Variants in ASPH observed in about 807,000 individuals in gnomAD.
The protein encoded by ASPH is aspartyl/asparaginyl beta-hydroxylase.
In ASPH, 100 loss-of-function variants were observed where a neutral mutation model predicts 118.4. The ratio of observed to expected loss-of-function variants is 0.84; its 90% CI spans 0.72 to 1.00. The LOEUF (loss-of-function observed/expected upper bound fraction) is 1.00. Among genes scored for constraint, ASPH ranks in the 50% least tolerant of loss-of-function variants. ASPH has a pLI of 0.00. For synonymous variants in ASPH, 315 were observed against 325.6 expected, an observed-to-expected ratio of 0.97 and a Z score of 0.35; for missense variants, 920 against 919.5, an observed-to-expected ratio of 1.00 and a Z score of -0.01.
intron 3 of ASPH, chr8:61,663,950 A>C (rs1818211977): frequency 1.1e-6 from 1 of 884,204 alleles, no homozygotes; most frequent in Non-Finnish European, 1.4e-6. Flanking sequence ...TAGATCAAAA[A>C]TCTCGTTTTT....
At chr8:61,706,791 G>A (rs1334288087) in intron 1 of ASPH, among the ~76,000 whole-genome samples, 11 of 152,172 alleles carry the variant, frequency 7.2e-5, no homozygotes, top group African/African-American at 2.7e-4. Context: ...AATTCAGTTT[G>A]GTGTTGCTTC....
chr8:61,576,184 C>T (rs991693980), intron 16 of ASPH, among the ~76,000 whole-genome samples: 1 of 152,162 alleles, frequency 6.6e-6, no homozygotes, highest in Non-Finnish European at 1.5e-5. Flanking sequence ...GAATGCAAAA[C>T]AGACATTCCC....
At chr8:61,559,989 A>G (rs759628288) in intron 18 of ASPH, among the ~76,000 whole-genome samples, 47 of 152,342 alleles carry the variant, frequency 3.1e-4, no homozygotes, top group Non-Finnish European at 3.2e-4. Context: ...CTGCTCAGGC[A>G]AGAGATGACG....
At chr8:61,626,420 G>T in intron 13 of ASPH, 1 of 1,213,642 alleles carries the variant, frequency 8.2e-7, no homozygotes, top group Non-Finnish European at 1.1e-6. Context: ...AGGACAACTT[G>T]GTAACAGAAT....
At chr8:61,694,200 C>T (rs1427649116) in intron 1 of ASPH, among the ~76,000 whole-genome samples, 2 of 152,168 alleles carry the variant, frequency 1.3e-5, no homozygotes, top group East Asian at 1.9e-4. Context: ...AGCACACAAA[C>T]CTGCCCTAGC....
chr8:61,694,877 T>C (rs1833557889), intron 1 of ASPH, among the ~76,000 whole-genome samples: 1 of 152,192 alleles, frequency 6.6e-6, no homozygotes, highest in African/African-American at 2.4e-5. Flanking sequence ...CCCTTTCCTG[T>C]TCAGTGTCCT....
chr8:61,562,389 CTGTGTGTG>C (rs150312211), intron 18 of ASPH, among the ~76,000 whole-genome samples: 2 of 128,988 alleles, frequency 1.6e-5, no homozygotes, highest in African/African-American at 5.6e-5. Flanking sequence ...GAAAGTGTGT[CTGTGTGTG>C]TGTGTGTGTG....
chr8:61,636,494 G>A (rs767642987), intron 12 of ASPH, among the ~76,000 whole-genome samples: 6 of 152,134 alleles, frequency 3.9e-5, no homozygotes, highest in Non-Finnish European at 5.9e-5. Flanking sequence ...TGCTGTGAGA[G>A]ATAAGCTCCC....
chr8:61,695,282 A>G (rs1833662952), intron 1 of ASPH, among the ~76,000 whole-genome samples: 1 of 152,238 alleles, frequency 6.6e-6, no homozygotes. Flanking sequence ...GACCTGTTAA[A>G]AATCCTTTAA....
chr8:61,596,514 C>T (rs950288998), intron 14 of ASPH, among the ~76,000 whole-genome samples: 3 of 152,206 alleles, frequency 2.0e-5, no homozygotes, highest in Non-Finnish European at 4.4e-5. Flanking sequence ...GCCTAGGGGC[C>T]CACAGACGGG....
chr8:61,503,347 C>A lies in ASPH; in HGVS notation c.*12G>T. 6.3e-7 allele frequency: 1 copy of A among 1,598,670 alleles called. No individual in the cohort carries two copies. Among genetic ancestry groups the A allele is most frequent in the Non-Finnish European group, 8.5e-7 (1 of 1,170,186 alleles). ...CTCTCTCCAGAGTTTCCCAAGCTTG[C>A]ATGAATTCATGCTAAATTGCTGGAA... On this transcript the variant is annotated 3_prime_UTR_variant, in exon 25 of 25. Coordinates refer to ENST00000379454, the MANE Select transcript of ASPH (RefSeq NM_004318.4).
In ASPH at chr8:61,583,933, T is replaced by C; in HGVS notation, c.1062+11A>G. On this transcript the variant is annotated intron_variant, in intron 15 of 24. Transcript: ENST00000379454. ...AACAACAAAACCATTGCACAAAAAA[T>C]ATCAACCTACCCTTTTACGGAGTTT... The C allele has an allele frequency of 6.5e-7, 1 of 1,540,552 alleles. No homozygotes were observed. Among genetic ancestry groups the C allele is most frequent in the Non-Finnish European group, 8.8e-7 (1 of 1,132,976 alleles).
intron 16 of ASPH, among the ~76,000 whole-genome samples, chr8:61,575,335 A>G (rs906315557): frequency 7.9e-5 from 12 of 152,190 alleles, no homozygotes; most frequent in African/African-American, 2.7e-4. Flanking sequence ...GCTTTGCTCA[A>G]ATGTCACCTC....
intron 14 of ASPH, among the ~76,000 whole-genome samples, chr8:61,618,071 T>C (rs532493472): frequency 2.0e-5 from 3 of 152,232 alleles, no homozygotes; most frequent in South Asian, 4.1e-4. Flanking sequence ...ACTATATCCT[T>C]GTACTACTTT....
At chr8:61,698,653 C>A (rs146443214) in intron 1 of ASPH, among the ~76,000 whole-genome samples, 5 of 152,164 alleles carry the variant, frequency 3.3e-5, no homozygotes, top group African/African-American at 9.6e-5. Context: ...AATCTTCTAA[C>A]GATGCCTTTG....
rs1430313112 is a variant in ASPH, at chr8:61,618,836, T to C, written c.976+142A>G. ...ATGTAAAATATTAATAAGTGTTCTT[T>C]GATAAATCATTGAAATAACAAACCC... is the stretch of plus-strand genomic sequence containing the variant. On this transcript the variant is annotated intron_variant, in intron 14 of 24. Coordinates refer to ENST00000379454, the MANE Select transcript of ASPH (RefSeq NM_004318.4). 9.0e-6 allele frequency: 6 copies of C among 667,676 alleles called. No individual in the cohort carries two copies. The Admixed American group carries it at 2.0e-4, about 22-fold the overall frequency. The allele number at this position is 667,676 out of a possible 1,614,324, so 41.4% of individuals were successfully genotyped here.
chr8:61,665,726 C>A, intron 3 of ASPH: 1 of 1,057,236 alleles, frequency 9.5e-7, no homozygotes, highest in Non-Finnish European at 1.3e-6. Context: ...AATGCACATT[C>A]AGAAAGTTAC....
Position 61,714,486 on chromosome 8 carries a change from T to G in ASPH, c.-115A>C. 1 of 1,335,788 alleles carries G rather than the reference T, an allele frequency of 7.5e-7. No individual in the cohort carries two copies. The allele number at this position is 1,335,788 out of a possible 1,614,324, so 82.7% of individuals were successfully genotyped here. Reference sequence around the variant, plus strand: ...GGCCGCTGGAGCGGGTTCGGGCCGCTGCTCCTGCAGCAGACCCTGTGCCTC... The same window carrying G: ...GGCCGCTGGAGCGGGTTCGGGCCGCGGCTCCTGCAGCAGACCCTGTGCCTC... On this transcript the variant is annotated 5_prime_UTR_variant, in exon 1 of 25. Coordinates refer to ENST00000379454, the MANE Select transcript of ASPH (RefSeq NM_004318.4).
chr8:61,713,216 T>A (rs1838491882), intron 1 of ASPH, among the ~76,000 whole-genome samples: 1 of 152,230 alleles, frequency 6.6e-6, no homozygotes, highest in South Asian at 2.1e-4. Flanking sequence ...TTAAATCCAT[T>A]CATTCATTCA....
Sources: gnomAD v4.1 joint callset for allele counts (sites outside exome capture counted in the v4.1 genomes callset) on GRCh38, gnomAD v4.1.1 for gene constraint, MANE v1.5 for transcripts, NCBI Gene and HGNC (gene_info 2026-07-23, HGNC 2026-07-21) for gene names.